NECTIN1: variants seen among roughly 807,000 people sequenced by gnomAD.
The protein encoded by NECTIN1 is nectin-1.
Under a neutral mutation model 48.0 loss-of-function variants are expected in NECTIN1, and 23 were observed. The ratio of observed to expected loss-of-function variants is 0.48; its 90% confidence interval spans 0.34 to 0.68. The LOEUF (loss-of-function observed/expected upper bound fraction) is 0.68, where lower values mean the gene tolerates loss of function less well. Ranked by LOEUF, NECTIN1 falls within the 30% of genes least tolerant of loss-of-function variation. NECTIN1 has a pLI of 0.01. For missense variants in NECTIN1, 591 were observed against 709.9 expected (o/e 0.83, Z 1.90); for synonymous variants, 270 against 288.9 (o/e 0.93, Z 0.66).
chr11:119,705,599 C>T (rs1050248656), intron 1 of NECTIN1, among the ~76,000 whole-genome samples: 17 of 152,186 alleles, frequency 1.1e-4, no homozygotes, highest in Admixed American at 1.3e-4. Context: ...TGTAGCTAGA[C>T]GGAGGAGACT....
intron 1 of NECTIN1, among the ~76,000 whole-genome samples, chr11:119,698,572 G>C (rs1336827251): frequency 1.3e-5 from 2 of 152,216 alleles, no homozygotes; most frequent in African/African-American, 4.8e-5. Flanking sequence ...TAAGGAGAGA[G>C]CAGTGGAGAG....
At chr11:119,702,724 G>A (rs1395481668) in intron 1 of NECTIN1, among the ~76,000 whole-genome samples, 2 of 152,200 alleles carry the variant, frequency 1.3e-5, no homozygotes, top group Non-Finnish European at 2.9e-5. Context: ...CTCCCTCAAA[G>A]GCTGTAGGGA....
chr11:119,725,235 C>A (rs867135217), intron 1 of NECTIN1, among the ~76,000 whole-genome samples: 1 of 152,202 alleles, frequency 6.6e-6, no homozygotes, highest in African/African-American at 2.4e-5. Flanking sequence ...TGAAAACATA[C>A]AGCAGAGTCC....
Position 119,664,727 on chromosome 11 carries a change from C to G in NECTIN1, c.*20G>C, listed in dbSNP as rs1379460859. ...GGGGCTGGGGAGGAGCGGTCACAGA[C>G]AGAGGCTCTGGAAGGGGGGCTACAC... is the stretch of plus-strand genomic sequence containing the variant. On this transcript the variant is annotated 3_prime_UTR_variant, in exon 6 of 6. Transcript: ENST00000264025. 4 of 1,593,912 alleles carry G rather than the reference C, an allele frequency of 2.5e-6. No homozygotes were observed. The East Asian group carries it at 9.0e-5, about 36-fold the overall frequency.
Position 119,727,024 on chromosome 11 carries a change from C to T in NECTIN1, c.79+1451G>A, listed in dbSNP as rs1325169799. Among the ~76,000 whole-genome samples the T allele has an allele frequency of 6.6e-6, 1 of 152,144 alleles. No individual in the cohort carries two copies. Among genetic ancestry groups the T allele is most frequent in the Non-Finnish European group, 1.5e-5 (1 of 68,006 alleles). On this transcript the variant is annotated intron_variant, in intron 1 of 5. Coordinates refer to ENST00000264025, the MANE Select transcript of NECTIN1 (RefSeq NM_002855.5). This position sits in a 1 kb window ranked among gnomAD's most constrained non-coding sequence, Gnocchi z 4.1. ...AGCCCTGGATTTTCCCCACCCCCCA[C>T]ATCGAGCAGGGCAGCACCCCAGGCT...
chr11:119,697,591 T>C (rs1467051), intron 1 of NECTIN1, among the ~76,000 whole-genome samples: 93,865 of 152,070 alleles, frequency 0.62, 29,353 homozygotes, highest in African/African-American at 0.69. Context: ...GAATCTCCTA[T>C]TTTTCACTTC....
chr11:119,663,718 A>G lies in NECTIN1; in HGVS notation c.*1029T>C, dbSNP rs1381052446. 3 of 985,318 alleles carry G rather than the reference A, an allele frequency of 3.0e-6. No individual in the cohort carries two copies. The highest frequency in any genetic ancestry group is 3.6e-6 in the Non-Finnish European group (3 of 829,938). 61.0% of individuals were successfully genotyped at this position (985,318 alleles called of 1,614,324 possible). On this transcript the variant is annotated 3_prime_UTR_variant, in exon 6 of 6. Transcript: ENST00000264025. ...AACCAAGTGTTGCTAGATAAGGGAG[A>G]AATCAGAGAAACCTCCACGCTGTAA...
intron 5 of NECTIN1, among the ~76,000 whole-genome samples, chr11:119,653,622 G>T (rs1864523761): frequency 6.6e-6 from 1 of 152,194 alleles, no homozygotes; most frequent in Non-Finnish European, 1.5e-5. Flanking sequence ...CTGGAACTTG[G>T]CAAGTGTCTT....
At position 119,663,376 on chromosome 11, in the gene NECTIN1, G is replaced by A. The variant is rs1441495604; in HGVS notation, c.*1371C>T. 1 of 985,296 alleles carries A rather than the reference G, an allele frequency of 1.0e-6. No homozygotes were observed. The highest frequency in any genetic ancestry group is 1.7e-5 in the African/African-American group (1 of 57,222). 61.0% of individuals were successfully genotyped at this position (985,296 alleles called of 1,614,324 possible). On this transcript the variant is annotated 3_prime_UTR_variant, in exon 6 of 6. Transcript: ENST00000264025. ...CTGGGGTGGCTGATAGGAACTCAAT[G>A]TCCCATTCAAGAAGGGAATCTGCAC...
chr11:119,710,863 C>T lies in NECTIN1; in HGVS notation c.79+17612G>A, dbSNP rs1019458627. On this transcript the variant is annotated intron_variant, in intron 1 of 5. Coordinates refer to ENST00000264025, the MANE Select transcript of NECTIN1 (RefSeq NM_002855.5). Reference sequence around the variant, plus strand: ...AAGAACCGTGCCATCACACAGCGCCCGCCTGTCAAACCACACATCCACGCA... The same window carrying T: ...AAGAACCGTGCCATCACACAGCGCCTGCCTGTCAAACCACACATCCACGCA... Among the ~76,000 whole-genome samples, 8 of 152,220 alleles carry T rather than the reference C, an allele frequency of 5.3e-5. No homozygotes were observed. In the South Asian group the frequency reaches 8.3e-4, roughly 16 times the overall value.
At position 119,727,430 on chromosome 11, in the gene NECTIN1, C is replaced by CTCTGGTT. The variant is rs1332477174; in HGVS notation, c.79+1038_79+1044dup. On this transcript the variant is annotated intron_variant, in intron 1 of 5. Transcript: ENST00000264025. This position sits in a 1 kb window ranked among gnomAD's most constrained non-coding sequence, Gnocchi z 4.1. ...CCATCTTGCTAGAGCTGCAGGTCGTCTCTGGTTTCTACCCAGAGAGCTGGA... is the reference window on the plus strand; with the variant it reads ...CCATCTTGCTAGAGCTGCAGGTCGTCTCTGGTTTCTGGTTTCTACCCAGAGAGCTGGA... 6.6e-6 allele frequency among the ~76,000 whole-genome samples: 1 copy of CTCTGGTT among 152,192 alleles called. No homozygotes were observed. The highest frequency in any genetic ancestry group is 2.4e-5 in the African/African-American group (1 of 41,456).
chr11:119,685,038 C>G (rs1865132044), intron 1 of NECTIN1, among the ~76,000 whole-genome samples: 1 of 152,206 alleles, frequency 6.6e-6, no homozygotes, highest in Non-Finnish European at 1.5e-5. Context: ...TGTCCTGGTG[C>G]TCCAGCCACC....
At chr11:119,649,434 T>C (rs1445407823) in intron 5 of NECTIN1, among the ~76,000 whole-genome samples, 2 of 148,994 alleles carry the variant, frequency 1.3e-5, no homozygotes, top group Middle Eastern at 3.7e-3. Context: ...ACGCCTGTAA[T>C]CCTAGCACTT....
At chr11:119,647,554 A>G (rs1031677994) in intron 5 of NECTIN1, among the ~76,000 whole-genome samples, 1 of 151,820 alleles carries the variant, frequency 6.6e-6, no homozygotes, top group African/African-American at 2.4e-5. Flanking sequence ...TCACACACCC[A>G]GCCTGCCCAC....
chr11:119,708,906 C>G (rs1305424671), intron 1 of NECTIN1, among the ~76,000 whole-genome samples: 1 of 152,034 alleles, frequency 6.6e-6, no homozygotes, highest in Non-Finnish European at 1.5e-5. Flanking sequence ...GCCCTGGGGT[C>G]CCACGGCTCA....
intron 1 of NECTIN1, among the ~76,000 whole-genome samples, chr11:119,726,107 A>G (rs931861705): frequency 6.6e-6 from 1 of 152,132 alleles, no homozygotes; most frequent in African/African-American, 2.4e-5. Context: ...GGGCAATCAC[A>G]CACACTCCAG....
chr11:119,668,187 C>G (rs1403846658), intron 5 of NECTIN1, among the ~76,000 whole-genome samples: 3 of 152,208 alleles, frequency 2.0e-5, no homozygotes, highest in African/African-American at 7.2e-5. Flanking sequence ...ACCTGGTTTG[C>G]CATCTTCCTT....
intron 1 of NECTIN1, among the ~76,000 whole-genome samples, chr11:119,679,348 G>T (rs981780767): frequency 2.6e-5 from 4 of 152,182 alleles, no homozygotes; most frequent in Non-Finnish European, 5.9e-5. Flanking sequence ...GGATGAGCTT[G>T]AAGGCCCACG....
intron 5 of NECTIN1, among the ~76,000 whole-genome samples, chr11:119,646,924 G>A (rs1864402729): frequency 6.6e-6 from 1 of 152,364 alleles, no homozygotes; most frequent in African/African-American, 2.4e-5. Context: ...CATAGTGGCT[G>A]TGGACAGTCG....
Sources: gnomAD v4.1 joint callset for allele counts (sites outside exome capture counted in the v4.1 genomes callset) on GRCh38, gnomAD v4.1.1 for gene constraint, Gnocchi (gnomAD v3.1) non-coding constraint, MANE v1.5 for transcripts, NCBI Gene and HGNC (gene_info 2026-07-23, HGNC 2026-07-21) for gene names.